IQSEC3: variants seen among roughly 807,000 people sequenced by gnomAD.
The protein encoded by IQSEC3 is IQ motif and SEC7 domain-containing protein 3.
IQSEC3 carries 50 observed loss-of-function variants against 105.4 expected under a neutral mutation model. That is an observed-to-expected ratio of 0.47 (90% CI 0.38 to 0.60). The LOEUF is 0.60. Ranked by LOEUF, IQSEC3 falls within the 20% of genes least tolerant of loss-of-function variation. IQSEC3 has a pLI of 0.00. For missense variants in IQSEC3, 1,415 were observed against 1,630.0 expected (o/e 0.87, Z 2.27); for synonymous variants, 708 against 746.0 (o/e 0.95, Z 0.83).
chr12:166,026 C>G (rs1591753143), intron 11 of IQSEC3, 136 bp downstream of exon 11: 1 of 878,850 alleles, frequency 1.1e-6, no homozygotes, highest in Non-Finnish European at 1.7e-6. Context: ...CCCCACCGCA[C>G]CACACTCCCA....
intron 2 of IQSEC3, among the ~76,000 whole-genome samples, chr12:100,645 G>C (rs1257669355): frequency 6.6e-6 from 1 of 152,172 alleles, no homozygotes; most frequent in Non-Finnish European, 1.5e-5. Flanking sequence ...GTTGGAGATG[G>C]GAGGCTGATG....
chr12:112,077 G>A (rs1177366451), intron 2 of IQSEC3, among the ~76,000 whole-genome samples: 4 of 152,164 alleles, frequency 2.6e-5, no homozygotes, highest in Non-Finnish European at 4.4e-5. Flanking sequence ...GGCAGGGGCT[G>A]TAGGTGGTTT....
intron 9 of IQSEC3, among the ~76,000 whole-genome samples, chr12:165,042 G>T (rs142796700): frequency 6.6e-6 from 1 of 152,184 alleles, no homozygotes; most frequent in African/African-American, 2.4e-5. Context: ...TAATGCAGCC[G>T]TGCAAAAAGC....
intron 1 of IQSEC3, among the ~76,000 whole-genome samples, chr12:90,944 C>T (rs1864064449): frequency 6.6e-6 from 1 of 152,156 alleles, no homozygotes. Flanking sequence ...CTGCAGGCTC[C>T]ACCAGCAGTA....
intron 6 of IQSEC3, 104 bp downstream of exon 6, chr12:157,251 T>C: frequency 7.1e-7 from 1 of 1,410,918 alleles, no homozygotes; most frequent in East Asian, 2.6e-5. Context: ...GGTTGGACAT[T>C]GGGCCAGAAA....
Position 67,059 on chromosome 12 carries a change from G to A in IQSEC3, c.177G>A (p.Leu59=), listed in dbSNP as rs1555065606. 2 of 1,531,296 alleles carry A rather than the reference G, an allele frequency of 1.3e-6. No individual in the cohort carries two copies. Among genetic ancestry groups the A allele is most frequent in the South Asian group, 1.2e-5 (1 of 83,788 alleles). 94.9% of individuals were successfully genotyped at this position (1,531,296 alleles called of 1,614,324 possible). A position where few individuals can be genotyped will look rare whatever the true frequency, so the allele number is the denominator to read the frequency against. Residue 59 remains leucine (L), a synonymous_variant, in exon 1 of 14, where the codon CTG becomes CTA. Coordinates refer to ENST00000538872, the MANE Select transcript of IQSEC3 (RefSeq NM_001170738.2). The stretch of plus-strand genomic sequence containing the variant: ...GCAGCCTGTGGGAGCACCAGCAGCT[G>A]CTGCAAGCCCAGCCTCCGCCCGGGC... ...ENRSLWEHQQ[L]LQAQPPPGLV... is the part of the protein sequence containing the mutation.
intron 2 of IQSEC3, among the ~76,000 whole-genome samples, chr12:99,886 C>A (rs1465425411): frequency 4.6e-5 from 7 of 152,174 alleles, no homozygotes; most frequent in Admixed American, 4.6e-4. Context: ...TGTCTCTCTG[C>A]CCTTGTGTTT....
At chr12:94,442 G>C (rs1864183899) in intron 1 of IQSEC3, among the ~76,000 whole-genome samples, 1 of 152,244 alleles carries the variant, frequency 6.6e-6, no homozygotes, top group Admixed American at 6.5e-5. Flanking sequence ...TTACAATTCA[G>C]CATGAGCTAA....
chr12:73,524 T>A (rs1458668210), intron 1 of IQSEC3, among the ~76,000 whole-genome samples: 1 of 152,058 alleles, frequency 6.6e-6, no homozygotes. Context: ...AAATACAAAA[T>A]TAGCCAGGGA....
chr12:125,238 G>A (rs1865347860), intron 2 of IQSEC3, among the ~76,000 whole-genome samples: 1 of 152,332 alleles, frequency 6.6e-6, no homozygotes, highest in African/African-American at 2.4e-5. Flanking sequence ...CAGTATCCCT[G>A]TGAGGTAGGT....
At chr12:70,910 C>A (rs148388999) in intron 1 of IQSEC3, among the ~76,000 whole-genome samples, 2 of 152,280 alleles carry the variant, frequency 1.3e-5, no homozygotes, top group African/African-American at 2.4e-5. Flanking sequence ...ATTGCTTCTT[C>A]CTTTCACATC....
At chr12:98,397 G>A (rs1555075230) in intron 1 of IQSEC3, among the ~76,000 whole-genome samples, 3 of 152,192 alleles carry the variant, frequency 2.0e-5, no homozygotes, top group African/African-American at 7.2e-5. Flanking sequence ...TGGGGGGAAG[G>A]GAAGGGTCTA....
intron 7 of IQSEC3, among the ~76,000 whole-genome samples, chr12:161,394 G>T (rs1474537651): frequency 5.3e-5 from 8 of 152,134 alleles, no homozygotes; most frequent in Admixed American, 4.6e-4. Flanking sequence ...ATTGCCAGGG[G>T]TCTGCCTGCT....
intron 2 of IQSEC3, among the ~76,000 whole-genome samples, chr12:117,816 G>A (rs1031329633): frequency 6.6e-6 from 1 of 152,242 alleles, no homozygotes; most frequent in African/African-American, 2.4e-5. Context: ...CTCTGGAAGT[G>A]GAAGAGAGCC....
At chr12:171,593 C>G (rs1269712049) in intron 13 of IQSEC3, 1 of 563,832 alleles carries the variant, frequency 1.8e-6, no homozygotes, top group Non-Finnish European at 3.1e-6. Flanking sequence ...CCTGGGCTCC[C>G]TCGGAGAATT....
In IQSEC3 at chr12:139,175, C is replaced by T. The variant is rs1865912197; in HGVS notation, c.1812C>T (p.Thr604=). The part of the protein sequence containing the change: ...LEQLSSSSTS[T]KSAKSGSEAS... ...AGCTGAGCAGCAGCAGCACGTCCAC[C>T]AAGTCCGCCAAGTCAGGCTCGGAGG... The change falls in exon 4 of 14, where the codon ACC becomes ACT. Residue 604 remains threonine, a synonymous_variant. Transcript: ENST00000538872. 6.3e-7 allele frequency: 1 copy of T among 1,582,632 alleles called. No individual in the cohort carries two copies. The highest frequency in any genetic ancestry group is 8.6e-7 in the Non-Finnish European group (1 of 1,166,336).
At chr12:102,600 C>T (rs568966220) in intron 2 of IQSEC3, among the ~76,000 whole-genome samples, 2 of 152,186 alleles carry the variant, frequency 1.3e-5, no homozygotes, top group Admixed American at 1.3e-4. Context: ...CAGAGCCTCA[C>T]CCCTCCCGAA....
chr12:136,001 A>G (rs1043161079), intron 3 of IQSEC3, among the ~76,000 whole-genome samples: 9 of 152,226 alleles, frequency 5.9e-5, no homozygotes, highest in Non-Finnish European at 1.3e-4. Flanking sequence ...ATTTGTGGTC[A>G]TGTGTTACAC....
chr12:167,576 G>GGAA (rs782075792), intron 11 of IQSEC3: 2 of 138,346 alleles, frequency 1.4e-5, no homozygotes, highest in East Asian at 4.2e-4. Context: ...AGGAAGCCAG[G>GGAA]AAAAAAAAAA....
Sources: gnomAD v4.1 joint callset for allele counts (sites outside exome capture counted in the v4.1 genomes callset) on GRCh38, gnomAD v4.1.1 for gene constraint, MANE v1.5 for transcripts, NCBI Gene and HGNC (gene_info 2026-07-23, HGNC 2026-07-21) for gene names.